The following KPNB1 variants were observed in gnomAD, a reference collection of about 807,000 sequenced individuals.
The protein encoded by KPNB1 is importin subunit beta-1.
In KPNB1, 7 loss-of-function variants were observed where a neutral mutation model predicts 113.0. The ratio of observed to expected loss-of-function variants is 0.06; its 90% confidence interval spans 0.04 to 0.12. The LOEUF (loss-of-function observed/expected upper bound fraction) is 0.12, where lower values mean the gene tolerates loss of function less well. Among genes scored for constraint, KPNB1 ranks in the 10% least tolerant of loss-of-function variants. KPNB1 has a pLI of 1.00. For synonymous variants in KPNB1, 363 were observed against 378.6 expected (o/e 0.96, Z 0.48); for missense variants, 400 against 1,054.8 (o/e 0.38, Z 8.60).
At chr17:47,657,115 G>A (rs770569845) in intron 4 of KPNB1, 55 bp downstream of exon 4, 16 of 1,412,044 alleles carry the variant, frequency 1.1e-5, no homozygotes, top group Non-Finnish European at 1.5e-5. Context: ...CTCTAGCTGT[G>A]ACATCAATGA....
In KPNB1 at chr17:47,685,488, C is replaced by T. The variant is rs181442746; in HGVS notation, c.*3084C>T. 2.3e-4 allele frequency: 34 copies of T among 149,486 alleles called. No homozygotes were observed. Among genetic ancestry groups the T allele is most frequent in the African/African-American group, 7.9e-4 (32 of 40,440 alleles). The allele number at this position is 149,486 out of a possible 1,614,324, so 9.3% of individuals were successfully genotyped here. On this transcript the variant is annotated 3_prime_UTR_variant, in exon 22 of 22. Transcript: ENST00000290158. ...ACCTTTATCTTCTAAATAAAGTCCG[C>T]TTTATTTTTATTTTCAACATCTTGC...
chr17:47,670,668 T>C, intron 11 of KPNB1, 34 bp from the exon 12 acceptor site: 1 of 1,568,118 alleles, frequency 6.4e-7, no homozygotes, highest in Non-Finnish European at 8.7e-7. Context: ...GTGGGGTTCT[T>C]TCAGGATTAA....
chr17:47,656,099 C>G (rs1026676644), intron 3 of KPNB1, among the ~76,000 whole-genome samples: 4 of 152,034 alleles, frequency 2.6e-5, no homozygotes, highest in African/African-American at 9.7e-5. Flanking sequence ...ACTAAAAATA[C>G]AAAAACTAGC....
rs747618233 is a variant in KPNB1 at position 47,682,489 on chromosome 17, G to A, written c.*85G>A. 2.1e-5 allele frequency: 16 copies of A among 774,276 alleles called. No homozygotes were observed. The highest frequency in any genetic ancestry group is 3.1e-5 in the Non-Finnish European group (13 of 416,178). 48.0% of individuals were successfully genotyped at this position (774,276 alleles called of 1,614,324 possible). ...AAACCTGGAAGTGAGGAGTGTGCAC[G>A]GATGCTGAATGTTTGGGAATGAGAG... On this transcript the variant is annotated 3_prime_UTR_variant, in exon 22 of 22. Transcript: ENST00000290158.
At chr17:47,656,512 C>G (rs990289382) in intron 3 of KPNB1, among the ~76,000 whole-genome samples, 1 of 151,676 alleles carries the variant, frequency 6.6e-6, no homozygotes, top group African/African-American at 2.4e-5. Context: ...TACACTCCAC[C>G]CTGGACAACT....
At chr17:47,675,152 T>G (rs753088204) in intron 15 of KPNB1, among the ~76,000 whole-genome samples, 12 of 152,154 alleles carry the variant, frequency 7.9e-5, no homozygotes, top group Non-Finnish European at 1.6e-4. Context: ...AGGGTCTCAC[T>G]ATATTGCTCA....
Position 47,669,994 on chromosome 17 carries a change from T to G in KPNB1, c.1416+125T>G, listed in dbSNP as rs137955296. On this transcript the variant is annotated intron_variant, in intron 11 of 21. Coordinates refer to ENST00000290158, the MANE Select transcript of KPNB1 (RefSeq NM_002265.6). Reference sequence around the variant, plus strand: ...TTTTTCTGATTTTCTTTCTAATTTATTCAATTAAAATGTGGGGGAGATTCC... The same window carrying G: ...TTTTTCTGATTTTCTTTCTAATTTAGTCAATTAAAATGTGGGGGAGATTCC... 15 of 736,638 alleles carry G rather than the reference T, an allele frequency of 2.0e-5. No homozygotes were observed. The East Asian group carries it at 4.0e-4, about 19-fold the overall frequency. 45.6% of individuals were successfully genotyped at this position (736,638 alleles called of 1,614,324 possible). A position where few individuals can be genotyped will look rare whatever the true frequency, so the allele number is the denominator to read the frequency against.
At chr17:47,676,140 C>T (rs1001712950) in intron 15 of KPNB1, among the ~76,000 whole-genome samples, 1 of 152,046 alleles carries the variant, frequency 6.6e-6, no homozygotes, top group Non-Finnish European at 1.5e-5. Flanking sequence ...AGGGTCATAC[C>T]ACTTGGTTGT....
chr17:47,682,379 G>C lies in KPNB1; in HGVS notation c.*-25G>C, dbSNP rs1211566270. 3.8e-6 allele frequency: 3 copies of C among 780,888 alleles called. No homozygotes were observed. The African/African-American group carries it at 5.1e-5, about 13-fold the overall frequency. 48.4% of individuals were successfully genotyped at this position (780,888 alleles called of 1,614,324 possible). A position where few individuals can be genotyped will look rare whatever the true frequency, so the allele number is the denominator to read the frequency against. Reference sequence around the variant, plus strand: ...TTGGGTATATGTGATCTCAAAGATTGACCTTTTTTTCCATCTGTTTTCAGA... The same window carrying C: ...TTGGGTATATGTGATCTCAAAGATTCACCTTTTTTTCCATCTGTTTTCAGA... On this transcript the variant is annotated intron_variant, in intron 21 of 21. Coordinates refer to ENST00000290158, the MANE Select transcript of KPNB1 (RefSeq NM_002265.6).
chr17:47,664,517 G>T (rs1425019897), intron 8 of KPNB1, among the ~76,000 whole-genome samples: 1 of 152,142 alleles, frequency 6.6e-6, no homozygotes, highest in African/African-American at 2.4e-5. Context: ...TGAACACAAG[G>T]GGGCAGCAGG....
chr17:47,685,450 A>G lies in KPNB1; in HGVS notation c.*3046A>G, dbSNP rs1340135445. The G allele has an allele frequency of 6.6e-6, 1 of 151,708 alleles. No homozygotes were observed. The highest frequency in any genetic ancestry group is 1.5e-5 in the Non-Finnish European group (1 of 67,966). 9.4% of individuals were successfully genotyped at this position (151,708 alleles called of 1,614,324 possible). ...CTTGAGCCCAACTCGATTAACCAAA[A>G]CCGATAACCACCACCTTTATCTTCT... On this transcript the variant is annotated 3_prime_UTR_variant, in exon 22 of 22. Coordinates refer to ENST00000290158, the MANE Select transcript of KPNB1 (RefSeq NM_002265.6).
intron 19 of KPNB1, 31 bp downstream of exon 19, chr17:47,678,444 G>A (rs4239162): frequency 0.49 from 740,396 of 1,497,938 alleles, 184,211 homozygotes; most frequent in African/African-American, 0.61. Context: ...CCCTTCGTCC[G>A]CTCGCCAATG....
chr17:47,676,430 A>T lies in KPNB1; in HGVS notation c.1934A>T (p.Lys645Met). ...ACAGTGTTGGGTGGTGAATTCCTCA[A>T]GTACATGGAGGCCTTTAAACCCTTC... is the stretch of plus-strand genomic sequence containing the variant. ...LVEVLGGEFL[K>M]YMEAFKPFLG... Residue 645 changes from lysine (K) to methionine (M), a missense_variant, in exon 16 of 22, where the codon AAG becomes ATG. By Grantham distance (95) the Lys-to-Met change is moderately conservative. Coordinates refer to ENST00000290158, the MANE Select transcript of KPNB1 (RefSeq NM_002265.6). The T allele has an allele frequency of 6.2e-7, 1 of 1,613,410 alleles. No individual in the cohort carries two copies. The highest frequency in any genetic ancestry group is 8.5e-7 in the Non-Finnish European group (1 of 1,179,350).
chr17:47,670,877 T>G, intron 12 of KPNB1, 45 bp downstream of exon 12: 1 of 1,530,362 alleles, frequency 6.5e-7, no homozygotes, highest in Non-Finnish European at 9.0e-7. Context: ...TGCATCCAAG[T>G]TCTATTGCCT....
intron 6 of KPNB1, among the ~76,000 whole-genome samples, chr17:47,661,586 AAAT>A (rs1346053521): frequency 1.3e-5 from 2 of 152,176 alleles, no homozygotes; most frequent in African/African-American, 4.8e-5. Context: ...CCATCTCAAA[AAAT>A]AATAATGATA....
chr17:47,679,402 AC>A (rs1818546851), intron 19 of KPNB1, among the ~76,000 whole-genome samples: 1 of 152,048 alleles, frequency 6.6e-6, no homozygotes, highest in Non-Finnish European at 1.5e-5. Flanking sequence ...AATTCCCGTT[AC>A]GTGTTCTTGT....
At chr17:47,681,361 C>T (rs917487176) in intron 21 of KPNB1, among the ~76,000 whole-genome samples, 30 of 151,274 alleles carry the variant, frequency 2.0e-4, no homozygotes, top group African/African-American at 7.3e-4. Context: ...CTCTGCCTCC[C>T]GGGTTCAAGC....
At chr17:47,682,288 A>G in intron 21 of KPNB1, 116 bp from the exon 22 acceptor site, 3 of 742,078 alleles carry the variant, frequency 4.0e-6, no homozygotes, top group Non-Finnish European at 7.5e-6. Context: ...TCAATCCTTG[A>G]AATGTTGACA....
chr17:47,664,065 C>T (rs1043301163), intron 7 of KPNB1, 94 bp from the exon 8 acceptor site: 47 of 643,048 alleles, frequency 7.3e-5, no homozygotes, highest in South Asian at 1.5e-4. Flanking sequence ...AGTTACATTT[C>T]TGAAATTTGC....
Sources: gnomAD v4.1 joint callset for allele counts (sites outside exome capture counted in the v4.1 genomes callset) on GRCh38, gnomAD v4.1.1 for gene constraint, MANE v1.5 for transcripts, NCBI Gene and HGNC (gene_info 2026-07-23, HGNC 2026-07-21) for gene names.